STX8: variants seen among roughly 807,000 people sequenced by gnomAD.
STX8 encodes syntaxin 8, also known as syntaxin-8.
Under a neutral mutation model 37.5 loss-of-function variants are expected in STX8, and 23 were observed. That is an observed-to-expected ratio of 0.61 (90% confidence interval 0.44 to 0.87). The LOEUF (loss-of-function observed/expected upper bound fraction) is 0.87, where lower values mean the gene tolerates loss of function less well. Among genes scored for constraint, STX8 ranks in the 40% least tolerant of loss-of-function variants. The pLI, the probability that STX8 is intolerant of heterozygous loss-of-function variation, is 0.00. For synonymous variants in STX8, 115 were observed against 99.1 expected (o/e 1.16, Z -0.95); for missense variants, 313 against 284.7 (o/e 1.10, Z -0.71).
At chr17:9,398,879 T>G (rs777693209) in intron 6 of STX8, among the ~76,000 whole-genome samples, 4 of 152,004 alleles carry the variant, frequency 2.6e-5, no homozygotes, top group Non-Finnish European at 4.4e-5. Flanking sequence ...TGAAATCCTG[T>G]CTCTACTAAA....
chr17:9,254,235 G>C (rs150172168), intron 7 of STX8, among the ~76,000 whole-genome samples: 1 of 152,248 alleles, frequency 6.6e-6, no homozygotes, highest in Non-Finnish European at 1.5e-5. Flanking sequence ...AGAAGGTAGG[G>C]GCCCTGCCTC....
intron 7 of STX8, among the ~76,000 whole-genome samples, chr17:9,326,756 C>T (rs1203093811): frequency 1.3e-5 from 2 of 152,128 alleles, no homozygotes. Context: ...CTTTCCTCAC[C>T]CATTAGCAGG....
chr17:9,402,021 G>A (rs1177139582), intron 6 of STX8, among the ~76,000 whole-genome samples: 1 of 152,128 alleles, frequency 6.6e-6, no homozygotes, highest in Non-Finnish European at 1.5e-5. Context: ...TTACAGGCAG[G>A]TCTCTTAGAG....
At chr17:9,268,440 C>T (rs371484066) in intron 7 of STX8, among the ~76,000 whole-genome samples, 1 of 152,148 alleles carries the variant, frequency 6.6e-6, no homozygotes, top group African/African-American at 2.4e-5. Flanking sequence ...GCTCTGACCC[C>T]GAGCACATGG....
At chr17:9,447,372 CT>C (rs1366535558) in intron 6 of STX8, among the ~76,000 whole-genome samples, 2 of 152,182 alleles carry the variant, frequency 1.3e-5, no homozygotes, top group Non-Finnish European at 2.9e-5. Flanking sequence ...AAGAACATGT[CT>C]TTGCATTTGC....
intron 7 of STX8, among the ~76,000 whole-genome samples, chr17:9,285,859 T>C (rs1908054465): frequency 1.3e-5 from 2 of 152,168 alleles, no homozygotes; most frequent in African/African-American, 4.8e-5. Context: ...GAAAAACAAA[T>C]ACTTTAAAGA....
intron 6 of STX8, among the ~76,000 whole-genome samples, chr17:9,446,077 C>G (rs1010895448): frequency 2.6e-5 from 4 of 152,120 alleles, no homozygotes; most frequent in Non-Finnish European, 4.4e-5. Flanking sequence ...GCCTTGTGAT[C>G]TGCCCTCCTC....
At chr17:9,279,701 T>G (rs1255791024) in intron 7 of STX8, among the ~76,000 whole-genome samples, 1 of 148,554 alleles carries the variant, frequency 6.7e-6, no homozygotes, top group Non-Finnish European at 1.5e-5. Context: ...AAGCAACAGG[T>G]CTCCCTCATG....
chr17:9,573,784 C>CAAAA lies in STX8; in HGVS notation c.17+2004_17+2007dup, dbSNP rs1283198808. ...ACTTAGTCAAACTGATTGAGAATAA[C>CAAAA]AAAAAAAGTATAAATGCTTCACTTT... On this transcript the variant is annotated intron_variant, in intron 1 of 7. Transcript: ENST00000306357. 2.0e-5 allele frequency among the ~76,000 whole-genome samples: 3 copies of CAAAA among 151,922 alleles called. No homozygotes were observed. The South Asian group carries it at 6.2e-4, about 32-fold the overall frequency.
Position 9,378,625 on chromosome 17 carries a change from C to T in STX8, c.570G>A (p.Val190=). Residue 190 remains valine, a synonymous_variant, in exon 7 of 8, where the codon GTG becomes GTA. Coordinates refer to ENST00000306357, the MANE Select transcript of STX8 (RefSeq NM_004853.3). ...TGCGAAGTTTTTCATCTGTGTTCTC[C>T]ACTAGGTTGGCAAGGTCGTCAATTA... The part of the protein sequence containing the change: ...NEIIDDLANL[V]ENTDEKLRNE... 2.5e-6 allele frequency: 4 copies of T among 1,613,746 alleles called. No individual in the cohort carries two copies. The highest frequency in any genetic ancestry group is 3.4e-6 in the Non-Finnish European group (4 of 1,179,752).
At chr17:9,506,407 T>TACCCC (rs1365525760) in intron 4 of STX8, among the ~76,000 whole-genome samples, 1 of 39,332 alleles carries the variant, frequency 2.5e-5, no homozygotes, top group East Asian at 1.4e-3. Context: ...GCTCACCCGC[T>TACCCC]CCCCCCCCCC....
At chr17:9,433,584 T>TCA (rs1914049176) in intron 6 of STX8, among the ~76,000 whole-genome samples, 1 of 152,092 alleles carries the variant, frequency 6.6e-6, no homozygotes, top group African/African-American at 2.4e-5. Flanking sequence ...TCCAAACTCA[T>TCA]CATGTTGTAG....
chr17:9,432,253 T>C (rs1445717523), intron 6 of STX8, among the ~76,000 whole-genome samples: 1 of 152,130 alleles, frequency 6.6e-6, no homozygotes, highest in Non-Finnish European at 1.5e-5. Flanking sequence ...CATTTCAGAA[T>C]ACCAAACAGA....
At chr17:9,491,707 G>A in intron 6 of STX8, 122 bp downstream of exon 6, 1 of 811,024 alleles carries the variant, frequency 1.2e-6, no homozygotes, top group Non-Finnish European at 2.0e-6. Context: ...GCGTTAAACT[G>A]TAACAATCAT....
At chr17:9,271,311 G>A (rs1177967907) in intron 7 of STX8, among the ~76,000 whole-genome samples, 1 of 152,126 alleles carries the variant, frequency 6.6e-6, no homozygotes, top group Non-Finnish European at 1.5e-5. Flanking sequence ...AAAATTAGCT[G>A]GGCGTGATGG....
intron 6 of STX8, among the ~76,000 whole-genome samples, chr17:9,482,862 C>A (rs188950029): frequency 4.6e-5 from 7 of 152,066 alleles, no homozygotes; most frequent in African/African-American, 1.7e-4. Flanking sequence ...TATGGTGAGC[C>A]GAGATCGCGC....
At position 9,256,788 on chromosome 17, in the gene STX8, A is replaced by G. The variant is rs545630742; in HGVS notation, c.644-6143T>C. On this transcript the variant is annotated intron_variant, in intron 7 of 7. Transcript: ENST00000306357. ...CAGCCGACCCCCCTGCCGGAGGGAC[A>G]TGGGACCTCACATCGTACTCGGTCA... Among the ~76,000 whole-genome samples the G allele has an allele frequency of 3.3e-5, 5 of 152,338 alleles. No individual in the cohort carries two copies. In the South Asian group the frequency reaches 8.3e-4, roughly 25 times the overall value.
At chr17:9,458,402 G>T (rs574840622) in intron 6 of STX8, among the ~76,000 whole-genome samples, 15 of 152,298 alleles carry the variant, frequency 9.8e-5, no homozygotes, top group South Asian at 8.3e-4. Context: ...GCCCGCCTTG[G>T]CCTCCCAAAG....
At chr17:9,389,147 T>C (rs1912118682) in intron 6 of STX8, among the ~76,000 whole-genome samples, 1 of 152,244 alleles carries the variant, frequency 6.6e-6, no homozygotes, top group Non-Finnish European at 1.5e-5. Context: ...AGACTTATAC[T>C]GCCACTGTTG....
Sources: allele counts gnomAD v4.1 joint callset (sites outside exome capture counted in the v4.1 genomes callset), GRCh38; gene constraint gnomAD v4.1.1; transcripts MANE v1.5; gene names NCBI Gene and HGNC (gene_info 2026-07-23, HGNC 2026-07-21).